The following AFP variants were observed in gnomAD, a reference collection of about 807,000 sequenced individuals.
The protein encoded by AFP is alpha-fetoprotein.
AFP carries 64 observed loss-of-function variants against 78.9 expected under a neutral mutation model. That is an observed-to-expected ratio of 0.81 (90% CI 0.66 to 1.00). The LOEUF (loss-of-function observed/expected upper bound fraction) is 1.00. Among genes scored for constraint, AFP ranks in the 50% least tolerant of loss-of-function variants. AFP has a pLI of 0.00. For missense variants in AFP, 689 were observed against 703.8 expected, an observed-to-expected ratio of 0.98 and a Z score of 0.24; for synonymous variants, 254 against 243.8, an observed-to-expected ratio of 1.04 and a Z score of -0.39.
intron 9 of AFP, 94 bp from the exon 10 acceptor site, chr4:73,449,942 G>T: frequency 2.5e-6 from 2 of 795,952 alleles, no homozygotes; most frequent in Non-Finnish European, 4.1e-6. Flanking sequence ...TCTCTGATTG[G>T]TTTTATAATA....
intron 11 of AFP, 100 bp from the exon 12 acceptor site, chr4:73,452,301 C>T: frequency 2.2e-6 from 2 of 889,382 alleles, no homozygotes; most frequent in Admixed American, 1.9e-5. Flanking sequence ...TTATAAATTG[C>T]TGGGCATTAG....
In AFP at chr4:73,449,372, GCTGT is replaced by G; in HGVS notation, c.1099_1102del (p.Val367GlnfsTer2). On this transcript the variant is annotated frameshift_variant, in exon 9 of 15. Coordinates refer to ENST00000395792, the MANE Select transcript of AFP (RefSeq NM_001134.3). LOFTEE classifies it high-confidence loss of function. ...ATATTCAAGAAGACATCCTCAGCTT[GCTGT>G]CTCAGTAATTCTAAGAGTTGCTAAA... 1.2e-6 allele frequency: 2 copies of G among 1,613,264 alleles called. No homozygotes were observed. Among genetic ancestry groups the G allele is most frequent in the Non-Finnish European group, 8.5e-7 (1 of 1,179,482 alleles).
At chr4:73,440,876 A>G (rs939460341) in intron 4 of AFP, 63 bp downstream of exon 4, 36 of 1,477,414 alleles carry the variant, frequency 2.4e-5, no homozygotes, top group Non-Finnish European at 3.3e-5. Flanking sequence ...AGCCTAATTT[A>G]GTATTTTTGC....
rs375162155 is a variant in AFP, at chr4:73,443,313, T to C, written c.616-34T>C. ...AGCTTGTAAAGAAAATGTTAGTATA[T>C]GCTTTCATGACATTTTGTTTCCTCT... On this transcript the variant is annotated intron_variant, in intron 5 of 14. Transcript: ENST00000395792. The C allele has an allele frequency of 4.7e-6, 7 of 1,489,740 alleles. No individual in the cohort carries two copies. The African/African-American group carries it at 8.3e-5, about 18-fold the overall frequency. 92.3% of individuals were successfully genotyped at this position (1,489,740 alleles called of 1,614,324 possible).
rs778293375 is a variant in AFP at position 73,442,370 on chromosome 4, A to G, written c.557A>G (p.Asp186Gly). Reference protein sequence around the residue: ...PTILLWAARYDKIIPSCCKAE... With the variant: ...PTILLWAARYGKIIPSCCKAE... The stretch of plus-strand genomic sequence containing the variant: ...ATTCTTCTTTGGGCTGCTCGCTATG[A>G]CAAAATAATTCCATCTTGCTGCAAA... The change falls in exon 5 of 15, where the codon GAC becomes GGC. Residue 186 changes from aspartate to glycine, a missense_variant. Coordinates refer to ENST00000395792, the MANE Select transcript of AFP (RefSeq NM_001134.3). The G allele has an allele frequency of 6.2e-7, 1 of 1,614,104 alleles. No individual in the cohort carries two copies. Among genetic ancestry groups the G allele is most frequent in the Admixed American group, 1.7e-5 (1 of 60,032 alleles).
intron 5 of AFP, among the ~76,000 whole-genome samples, chr4:73,442,837 G>C (rs147735605): frequency 2.1e-3 from 322 of 152,232 alleles, no homozygotes; most frequent in African/African-American, 7.6e-3. Context: ...TGAGGTGTAA[G>C]TATTTTTGTC....
At chr4:73,441,500 G>A (rs1401174965) in intron 4 of AFP, among the ~76,000 whole-genome samples, 5 of 145,730 alleles carry the variant, frequency 3.4e-5, no homozygotes, top group Non-Finnish European at 6.0e-5. Context: ...CCCTGGAGGC[G>A]GAGCTTGCAG....
In AFP at chr4:73,453,786, G is replaced by A. The variant is rs559954078; in HGVS notation, c.1674G>A (p.Lys558=). 9 of 1,613,540 alleles carry A rather than the reference G, an allele frequency of 5.6e-6. No individual in the cohort carries two copies. In the African/African-American group the frequency reaches 1.1e-4, roughly 19 times the overall value. ...MKQEFLINLV[K]QKPQITEEQL... ...ACAGGTTTCTCATTAACCTTGTGAA[G>A]CAAAAGCCACAAATAACAGAGGAAC... The change falls in exon 13 of 15, where the codon AAG becomes AAA. Residue 558 remains lysine (K), a synonymous_variant. Transcript: ENST00000395792.
At chr4:73,448,237 A>G (rs560583861) in intron 8 of AFP, among the ~76,000 whole-genome samples, 6 of 152,264 alleles carry the variant, frequency 3.9e-5, no homozygotes, top group African/African-American at 1.4e-4. Flanking sequence ...TTGTTTTAAT[A>G]CAACTGATAG....
chr4:73,436,496 G>A lies in AFP; in HGVS notation c.85+149G>A, dbSNP rs1253430725. Reference sequence around the variant, plus strand: ...AACTGATGGATATATTTAAATGAAAGATAAACTTGTAACTTTACAAGAGGT... The same window carrying A: ...AACTGATGGATATATTTAAATGAAAAATAAACTTGTAACTTTACAAGAGGT... On this transcript the variant is annotated intron_variant, in intron 1 of 14. Coordinates refer to ENST00000395792, the MANE Select transcript of AFP (RefSeq NM_001134.3). 5.3e-6 allele frequency: 3 copies of A among 565,058 alleles called. No individual in the cohort carries two copies. In the African/African-American group the frequency reaches 5.7e-5, roughly 11 times the overall value. The allele number at this position is 565,058 out of a possible 1,614,324, so 35.0% of individuals were successfully genotyped here.
intron 7 of AFP, among the ~76,000 whole-genome samples, chr4:73,445,819 C>G (rs1184189459): frequency 6.6e-6 from 1 of 152,158 alleles, no homozygotes; most frequent in African/African-American, 2.4e-5. Context: ...TGAGTGTGCT[C>G]TAGTCAGTGG....
At chr4:73,441,059 G>C (rs1416981097) in intron 4 of AFP, among the ~76,000 whole-genome samples, 1 of 151,920 alleles carries the variant, frequency 6.6e-6, no homozygotes, top group Non-Finnish European at 1.5e-5. Flanking sequence ...TTAGTCCCTT[G>C]AGAGATATAC....
intron 7 of AFP, 104 bp downstream of exon 7, chr4:73,445,226 GTA>G: frequency 1.4e-6 from 2 of 1,385,676 alleles, no homozygotes; most frequent in Non-Finnish European, 2.0e-6. Flanking sequence ...TGGTTACAGA[GTA>G]TGTAAACTAG....
At chr4:73,444,921 A>C in intron 6 of AFP, 72 bp from the exon 7 acceptor site, 1 of 1,332,130 alleles carries the variant, frequency 7.5e-7, no homozygotes, top group Non-Finnish European at 1.0e-6. Context: ...TACTGTAGTA[A>C]TACTCTATAA....
intron 3 of AFP, among the ~76,000 whole-genome samples, chr4:73,440,068 T>C (rs1223688862): frequency 6.6e-6 from 1 of 152,098 alleles, no homozygotes; most frequent in Non-Finnish European, 1.5e-5. Flanking sequence ...AATTTAAATT[T>C]AAAGTTCTGG....
At chr4:73,436,921 A>G (rs1470434532) in intron 1 of AFP, among the ~76,000 whole-genome samples, 1 of 151,976 alleles carries the variant, frequency 6.6e-6, no homozygotes, top group Non-Finnish European at 1.5e-5. Context: ...AACAACTGGA[A>G]GACAAAATCT....
At chr4:73,449,579 A>G in intron 9 of AFP, 112 bp downstream of exon 9, 1 of 1,293,374 alleles carries the variant, frequency 7.7e-7, no homozygotes, top group Non-Finnish European at 1.1e-6. Context: ...AGCCAGTTAT[A>G]TCTATTTGTC....
rs1720034348 is a variant in AFP at position 73,452,600 on chromosome 4, T to C, written c.1628T>C (p.Val543Ala). 1.2e-6 allele frequency: 2 copies of C among 1,613,652 alleles called. No homozygotes were observed. Among genetic ancestry groups the C allele is most frequent in the South Asian group, 2.2e-5 (2 of 91,068 alleles). The change falls in exon 12 of 15, where the codon GTA (valine) becomes GCA (alanine). Residue 543 changes from valine (V) to alanine (A), a missense_variant. Transcript: ENST00000395792. ...AAGGATCTGTGCCAAGCTCAGGGTG[T>C]AGCGCTGCAAACAATGAAGCAAGAG... is the stretch of plus-strand genomic sequence containing the variant. ...FHKDLCQAQG[V>A]ALQTMKQEFL...
Position 73,455,521 on chromosome 4 carries a change from G to C in AFP, c.*11-110G>C, listed in dbSNP as rs1577961349. 3 of 647,800 alleles carry C rather than the reference G, an allele frequency of 4.6e-6. No homozygotes were observed. In the East Asian group the frequency reaches 8.2e-5, roughly 18 times the overall value. The allele number at this position is 647,800 out of a possible 1,614,324, so 40.1% of individuals were successfully genotyped here. On this transcript the variant is annotated intron_variant, in intron 14 of 14. Transcript: ENST00000395792. Reference sequence around the variant, plus strand: ...TAAAAGACTTCAACAAATGCTATCAGAAGACTTTCCTACGTATCCAATATT... The same window carrying C: ...TAAAAGACTTCAACAAATGCTATCACAAGACTTTCCTACGTATCCAATATT...
Sources: allele counts gnomAD v4.1 joint callset (sites outside exome capture counted in the v4.1 genomes callset), GRCh38; gene constraint gnomAD v4.1.1; transcripts MANE v1.5; gene names NCBI Gene and HGNC (gene_info 2026-07-23, HGNC 2026-07-21).